The following NEBL variants were observed in gnomAD, a reference collection of about 807,000 sequenced individuals.
NEBL encodes the protein LIM and SH3 protein 2.
A neutral mutation model predicts 140.2 loss-of-function variants in NEBL; 122 were observed. That is an observed-to-expected ratio of 0.87 (90% CI 0.75 to 1.01). NEBL has a LOEUF of 1.01. NEBL is among the 50% of genes least tolerant of loss of function. NEBL has a pLI of 0.00. For missense variants in NEBL, 1,365 were observed against 1,231.3 expected (o/e 1.11, Z -1.62); for synonymous variants, 436 against 398.9 (o/e 1.09, Z -1.11).
intron 3 of NEBL, among the ~76,000 whole-genome samples, chr10:21,234,524 A>G (rs555145878): frequency 1.4e-4 from 21 of 152,250 alleles, no homozygotes; most frequent in Non-Finnish European, 2.6e-4. Flanking sequence ...CAGAACTGTG[A>G]GTCAATTAAA....
intron 7 of NEBL, among the ~76,000 whole-genome samples, chr10:20,867,224 G>C (rs925673240): frequency 6.6e-6 from 1 of 151,956 alleles, no homozygotes; most frequent in African/African-American, 2.4e-5. Context: ...ATTGCATAGA[G>C]CTTTTAACAT....
At chr10:21,166,186 C>G (rs1480930570) in intron 2 of NEBL, among the ~76,000 whole-genome samples, 1 of 132,398 alleles carries the variant, frequency 7.6e-6, no homozygotes, top group Admixed American at 8.4e-5. Context: ...AGCCACTGCA[C>G]TCCAGCCTGG....
At chr10:21,222,490 T>C (rs1842084478) in intron 3 of NEBL, among the ~76,000 whole-genome samples, 1 of 152,242 alleles carries the variant, frequency 6.6e-6, no homozygotes, top group Non-Finnish European at 1.5e-5. Flanking sequence ...GTGTTTTTGG[T>C]TAATATGATT....
intron 1 of NEBL, among the ~76,000 whole-genome samples, chr10:21,282,630 C>A (rs938788492): frequency 2.0e-5 from 3 of 152,130 alleles, no homozygotes; most frequent in South Asian, 4.1e-4. Context: ...GAACTAGAGG[C>A]TGAAGAAAGA....
At chr10:21,236,331 T>C (rs1842348541) in intron 3 of NEBL, among the ~76,000 whole-genome samples, 1 of 150,994 alleles carries the variant, frequency 6.6e-6, no homozygotes, top group Admixed American at 6.6e-5. Flanking sequence ...TACTTTATTT[T>C]ATTCCTTTTT....
At chr10:20,829,660 T>C (rs558217572) in intron 16 of NEBL, among the ~76,000 whole-genome samples, 68 of 152,234 alleles carry the variant, frequency 4.5e-4, no homozygotes, top group African/African-American at 1.6e-3. Flanking sequence ...TACACCCTCG[T>C]AAGTATCCCA....
Position 20,852,658 on chromosome 10 carries a change from C to G in NEBL, c.904-9G>C, listed in dbSNP as rs1160411351. 2.5e-6 allele frequency: 4 copies of G among 1,581,218 alleles called. No individual in the cohort carries two copies. Among genetic ancestry groups the G allele is most frequent in the Non-Finnish European group, 1.7e-6 (2 of 1,150,776 alleles). ...AGCTTTTTATATTCTCGCTAAAATA[C>G]AGAATGGGGAAATCAACTTAGAATC... On this transcript the variant is annotated splice_polypyrimidine_tract_variant and intron_variant, in intron 9 of 27. Transcript: ENST00000377122.
chr10:21,276,423 A>G (rs1025650130), intron 1 of NEBL, among the ~76,000 whole-genome samples: 1 of 152,076 alleles, frequency 6.6e-6, no homozygotes, highest in Non-Finnish European at 1.5e-5. Context: ...GTGGCTTTTC[A>G]AGTTCCTTGC....
At chr10:21,284,875 T>TC (rs1843036221) in intron 1 of NEBL, among the ~76,000 whole-genome samples, 1 of 152,178 alleles carries the variant, frequency 6.6e-6, no homozygotes, top group Non-Finnish European at 1.5e-5. Context: ...TACATCCTGT[T>TC]TTTGTGAACT....
In NEBL at chr10:20,782,163, G is replaced by A. The variant is rs997003941; in HGVS notation, c.*3584C>T. Reference sequence around the variant, plus strand: ...ATCAGCTAACACCTTTAATATCTGAGGAGCATCCCACTTCCCTACCACAAA... The same window carrying A: ...ATCAGCTAACACCTTTAATATCTGAAGAGCATCCCACTTCCCTACCACAAA... On this transcript the variant is annotated 3_prime_UTR_variant, in exon 28 of 28. Transcript: ENST00000377122. 1 of 152,392 alleles carries A rather than the reference G, an allele frequency of 6.6e-6. No homozygotes were observed. Among genetic ancestry groups the A allele is most frequent in the African/African-American group, 2.4e-5 (1 of 41,376 alleles). The allele number at this position is 152,392 out of a possible 1,614,324, so 9.4% of individuals were successfully genotyped here.
chr10:20,958,945 C>T (rs1329609931), intron 4 of NEBL, among the ~76,000 whole-genome samples: 2 of 152,126 alleles, frequency 1.3e-5, no homozygotes, highest in Non-Finnish European at 1.5e-5. Flanking sequence ...TTCAAATCCT[C>T]AATAAACAAA....
intron 4 of NEBL, 64 bp downstream of exon 4, chr10:20,888,033 A>G: frequency 1.8e-6 from 2 of 1,142,308 alleles, no homozygotes; most frequent in Non-Finnish European, 2.7e-6. Context: ...TAAAACGCTA[A>G]GTAGCTTTTT....
intron 1 of NEBL, among the ~76,000 whole-genome samples, chr10:21,266,704 G>A (rs925662229): frequency 6.6e-6 from 1 of 152,204 alleles, no homozygotes; most frequent in African/African-American, 2.4e-5. Context: ...GAATCCTCAG[G>A]GGAAGCACTA....
At chr10:20,952,941 A>G (rs542654095) in intron 4 of NEBL, among the ~76,000 whole-genome samples, 11 of 151,584 alleles carry the variant, frequency 7.3e-5, no homozygotes, top group African/African-American at 2.7e-4. Flanking sequence ...AGAAAAAAGA[A>G]AAGAAAAGAA....
intron 1 of NEBL, among the ~76,000 whole-genome samples, chr10:21,270,615 A>T (rs1315761634): frequency 2.0e-5 from 3 of 152,036 alleles, no homozygotes; most frequent in Non-Finnish European, 4.4e-5. Flanking sequence ...TGGTCTGCCC[A>T]CCTTGGCCTC....
In NEBL at chr10:21,075,210, C is replaced by A. The variant is rs374371449; in HGVS notation, c.165-55009G>T. ...GAATGGCAAACCCACGGTGGAAACA[C>A]AATGGTAATATTTTGTGCTACAAAC... is the stretch of plus-strand genomic sequence containing the variant. On this transcript the variant is annotated intron_variant, in intron 2 of 6. Transcript: ENST00000417816. 2.4e-3 allele frequency among the ~76,000 whole-genome samples: 364 copies of A among 152,230 alleles called. 3 individuals carry two copies. Among genetic ancestry groups the A allele is most frequent in the African/African-American group, 8.2e-3 (341 of 41,542 alleles).
chr10:20,967,626 T>TC (rs1335409048), intron 3 of NEBL, among the ~76,000 whole-genome samples: 1 of 146,472 alleles, frequency 6.8e-6, no homozygotes, highest in Non-Finnish European at 1.5e-5. Flanking sequence ...AGACTCCATC[T>TC]CAAAAAAAAA....
At chr10:20,936,537 A>G (rs1834496513) in intron 4 of NEBL, among the ~76,000 whole-genome samples, 1 of 152,198 alleles carries the variant, frequency 6.6e-6, no homozygotes, top group African/African-American at 2.4e-5. Context: ...TCTGTTCCCC[A>G]CTTCCTTTTA....
intron 4 of NEBL, among the ~76,000 whole-genome samples, chr10:20,905,861 T>G (rs1413874618): frequency 1.3e-5 from 2 of 152,082 alleles, no homozygotes; most frequent in Non-Finnish European, 1.5e-5. Context: ...TGTATAGAAA[T>G]CACTTATCCT....
Sources: gnomAD v4.1 joint callset for allele counts (sites outside exome capture counted in the v4.1 genomes callset) on GRCh38, gnomAD v4.1.1 for gene constraint, MANE v1.5 for transcripts, NCBI Gene and HGNC (gene_info 2026-07-23, HGNC 2026-07-21) for gene names.